MYO1A: variants seen among roughly 807,000 people sequenced by gnomAD.
The protein encoded by MYO1A is unconventional myosin-Ia.
Under a neutral mutation model 138.5 loss-of-function variants are expected in MYO1A, and 127 were observed. The ratio of observed to expected loss-of-function variants is 0.92; its 90% CI spans 0.79 to 1.06. The LOEUF (loss-of-function observed/expected upper bound fraction) is 1.06, where lower values mean the gene tolerates loss of function less well. MYO1A is among the 50% of genes least tolerant of loss of function. The pLI, the probability that MYO1A is intolerant of heterozygous loss-of-function variation, is 0.00. For synonymous variants in MYO1A, 477 were observed against 497.5 expected (o/e 0.96, Z 0.55); for missense variants, 1,211 against 1,288.8 (o/e 0.94, Z 0.92).
chr12:57,038,064 A>G lies in MYO1A; in HGVS notation c.1766T>C (p.Ile589Thr), dbSNP rs1338908545. 8 of 1,613,850 alleles carry G rather than the reference A, an allele frequency of 5.0e-6. No individual in the cohort carries two copies. In the South Asian group the frequency reaches 5.5e-5, roughly 11 times the overall value. The change falls in exon 18 of 28, where the codon ATA becomes ACA. Residue 589 changes from isoleucine (I) to threonine (T), a missense_variant. Physicochemically the swap from Ile to Thr is moderately conservative, Grantham distance 89 (BLOSUM62 -1). Transcript: ENST00000300119. Reference sequence around the variant, plus strand: ...TCGCTGCTGATGCTCATTGGGCTTTATGCACCTGGTGGGAGGTGGGGTAAG... The same window carrying G: ...TCGCTGCTGATGCTCATTGGGCTTTGTGCACCTGGTGGGAGGTGGGGTAAG... ...YSKSPNYIRC[I>T]KPNEHQQRGQ...
chr12:57,049,121 T>C (rs980039877), intron 1 of MYO1A, among the ~76,000 whole-genome samples: 2 of 152,234 alleles, frequency 1.3e-5, no homozygotes, highest in South Asian at 2.1e-4. Context: ...GGCATGGACT[T>C]TGCCCCAGAG....
chr12:57,039,257 C>A lies in MYO1A; in HGVS notation c.1287G>T (p.Lys429Asn), dbSNP rs759950519. 3.7e-5 allele frequency: 59 copies of A among 1,614,032 alleles called. 1 individual carries two copies. The highest frequency in any genetic ancestry group is 3.3e-4 in the Middle Eastern group (2 of 6,084). The stretch of plus-strand genomic sequence containing the variant: ...TGATGCCATTATCAAAGTAGTCCAC[C>A]TTTGTCCACGGTATGCCCTGGTCAG... ...EYKREGIPWTKVDYFDNGIIC... is the reference protein window; with the variant it reads ...EYKREGIPWTNVDYFDNGIIC... The change falls in exon 15 of 28, where the codon AAG becomes AAT. Residue 429 changes from lysine (K) to asparagine (N), a missense_variant. Lys to Asn is a moderately conservative substitution (Grantham distance 94). Transcript: ENST00000300119.
chr12:57,028,718 G>A lies in MYO1A; in HGVS notation c.*37C>T. On this transcript the variant is annotated 3_prime_UTR_variant, in exon 28 of 28. Transcript: ENST00000300119. ...CAGAGGGGGATTAGTGCTGGTTCAG[G>A]AGGAAGCAACTGCCATCTCTGCATG... is the stretch of plus-strand genomic sequence containing the variant. 1.2e-6 allele frequency: 2 copies of A among 1,612,598 alleles called. No homozygotes were observed. The highest frequency in any genetic ancestry group is 1.1e-5 in the South Asian group (1 of 90,784).
chr12:57,030,407 G>A, intron 23 of MYO1A, 91 bp from the exon 24 acceptor site: 2 of 1,057,394 alleles, frequency 1.9e-6, no homozygotes, highest in Non-Finnish European at 2.9e-6. Context: ...AAGACACTAG[G>A]AGAGGAGAGA....
At position 57,039,016 on chromosome 12, in the gene MYO1A, CGGGGGAACA is replaced by C. The variant is rs766405193; in HGVS notation, c.1333-16_1333-8del. 6.2e-7 allele frequency: 1 copy of C among 1,612,102 alleles called. No homozygotes were observed. Among genetic ancestry groups the C allele is most frequent in the African/African-American group, 1.3e-5 (1 of 74,986 alleles). On this transcript the variant is annotated splice_region_variant and splice_polypyrimidine_tract_variant and intron_variant, in intron 15 of 27. Transcript: ENST00000300119. ...CCAGGATACCTCGCTGATTCTGGGC[CGGGGGAACA>C]AAAGAAGCCCAACCTAAATCTGGTC...
rs369123989 is a variant in MYO1A, at chr12:57,047,584, T to C, written c.325+43A>G. 107 of 1,599,902 alleles carry C rather than the reference T, an allele frequency of 6.7e-5. No homozygotes were observed. The African/African-American group carries it at 1.3e-3, about 20-fold the overall frequency. ...GGCTTGCAAAGAGACAAGGAAGCAG[T>C]TCCAGAGGTGACTCCATGTGTTCCC... On this transcript the variant is annotated intron_variant, in intron 4 of 27. Transcript: ENST00000300119.
chr12:57,049,346 C>A (rs529253887), intron 1 of MYO1A, among the ~76,000 whole-genome samples: 1 of 152,212 alleles, frequency 6.6e-6, no homozygotes, highest in Non-Finnish European at 1.5e-5. Flanking sequence ...CACTCCTGAA[C>A]AGGAATGAAA....
Position 57,038,035 on chromosome 12 carries a change from G to A in MYO1A, c.1795C>T (p.Gln599Ter), listed in dbSNP as rs143570906. Residue 599 changes from glutamine to a stop codon, truncating the protein, a stop_gained, in exon 18 of 28, where the codon CAG (glutamine) becomes TAG (stop). Transcript: ENST00000300119. LOFTEE classifies it high-confidence loss of function. ...IKPNEHQQRG[Q>*]FSSDLVATQA... ...GTTGCCACCAGGTCTGAAGAGAACTGACCTCGCTGCTGATGCTCATTGGGC... is the reference window on the plus strand; with the variant it reads ...GTTGCCACCAGGTCTGAAGAGAACTAACCTCGCTGCTGATGCTCATTGGGC... 6.2e-7 allele frequency: 1 copy of A among 1,614,000 alleles called. No individual in the cohort carries two copies. Among genetic ancestry groups the A allele is most frequent in the African/African-American group, 1.3e-5 (1 of 74,934 alleles).
chr12:57,028,679 C>T lies in MYO1A; in HGVS notation c.*76G>A. On this transcript the variant is annotated 3_prime_UTR_variant, in exon 28 of 28. Coordinates refer to ENST00000300119, the MANE Select transcript of MYO1A (RefSeq NM_005379.4). ...CACGATCAGAGGGGTTAGAGATCCT[C>T]CCACACAGGAGGGCAGAGGGGGATT... 6.3e-7 allele frequency: 1 copy of T among 1,589,752 alleles called. No individual in the cohort carries two copies. Among genetic ancestry groups the T allele is most frequent in the South Asian group, 1.1e-5 (1 of 87,128 alleles).
chr12:57,049,086 T>A, intron 1 of MYO1A, among the ~76,000 whole-genome samples: 1 of 152,332 alleles, frequency 6.6e-6, no homozygotes, highest in East Asian at 1.9e-4. Flanking sequence ...ATCTCTAGCT[T>A]TTACACCCAC....
At chr12:57,047,492 C>T (rs762123068) in intron 4 of MYO1A, 85 bp from the exon 5 acceptor site, 36 of 1,501,996 alleles carry the variant, frequency 2.4e-5, no homozygotes, top group Non-Finnish European at 3.0e-5. Context: ...CCCAGTGCCT[C>T]ACCACCCCTT....
chr12:57,044,849 C>A (rs911979177), intron 8 of MYO1A, among the ~76,000 whole-genome samples: 1 of 152,216 alleles, frequency 6.6e-6, no homozygotes, highest in African/African-American at 2.4e-5. Context: ...TTCCATCCTA[C>A]GCAGGTGCCT....
At chr12:57,048,403 T>C in intron 1 of MYO1A, 60 bp from the exon 2 acceptor site, 1 of 1,002,048 alleles carries the variant, frequency 1.0e-6, no homozygotes, top group Non-Finnish European at 1.6e-6. Flanking sequence ...AGTAACTGTT[T>C]GAGGGGAGGA....
Position 57,038,661 on chromosome 12 carries a change from T to C in MYO1A, c.1534-23A>G, listed in dbSNP as rs781152579. On this transcript the variant is annotated intron_variant, in intron 16 of 27. Transcript: ENST00000300119. ...CACCTGTAAAGGAGCAGCTATTGGTTTGGAGACCCCACAACCTTGTCCCAG... is the reference window on the plus strand; with the variant it reads ...CACCTGTAAAGGAGCAGCTATTGGTCTGGAGACCCCACAACCTTGTCCCAG... 8.1e-6 allele frequency: 13 copies of C among 1,613,312 alleles called. No homozygotes were observed. The East Asian group carries it at 2.2e-4, about 28-fold the overall frequency.
At chr12:57,040,006 C>T (rs982664136) in intron 14 of MYO1A, among the ~76,000 whole-genome samples, 4 of 152,244 alleles carry the variant, frequency 2.6e-5, no homozygotes, top group African/African-American at 4.8e-5. Context: ...ACTTTGGGGA[C>T]TTGCTGGGCA....
chr12:57,031,289 AAGGGGTGGAGCTGAAGAGATGGAAGGG>A, intron 22 of MYO1A, 115 bp from the exon 23 acceptor site: 1 of 1,318,736 alleles, frequency 7.6e-7, no homozygotes, highest in Non-Finnish European at 1.1e-6. Flanking sequence ...AGTGAGAAGC[AAGGGGTGGAGCTGAAGAGATGGAAGGG>A]AGTCACCTCT....
At chr12:57,040,724 T>G (rs918100229) in intron 14 of MYO1A, among the ~76,000 whole-genome samples, 2 of 152,140 alleles carry the variant, frequency 1.3e-5, no homozygotes, top group African/African-American at 4.8e-5. Context: ...TTTCTAACAC[T>G]TAGCCATAGA....
intron 6 of MYO1A, 26 bp from the exon 7 acceptor site, chr12:57,046,952 A>T: frequency 6.2e-7 from 1 of 1,612,492 alleles, no homozygotes; most frequent in Non-Finnish European, 8.5e-7. Context: ...AGAGAGAGAG[A>T]CTTAGCTTCT....
chr12:57,038,900 T>C lies in MYO1A; in HGVS notation c.1442A>G (p.His481Arg). ...ATTCTGGGTGACTTTGCTCTCGTAG[T>C]GGCCATGCTTGGAGAAGAGCTGGTT... ...KLNQLFSKHG[H>R]YESKVTQNAQ... The change falls in exon 16 of 28, where the codon CAC (histidine) becomes CGC (arginine). Residue 481 changes from histidine (H) to arginine (R), a missense_variant. By Grantham distance (29) the His-to-Arg change is conservative (BLOSUM62 0). Transcript: ENST00000300119. 1 of 1,614,196 alleles carries C rather than the reference T, an allele frequency of 6.2e-7. No homozygotes were observed. Among genetic ancestry groups the C allele is most frequent in the East Asian group, 2.2e-5 (1 of 44,878 alleles).
Sources: gnomAD v4.1 joint callset for allele counts (sites outside exome capture counted in the v4.1 genomes callset) on GRCh38, gnomAD v4.1.1 for gene constraint, MANE v1.5 for transcripts, NCBI Gene and HGNC (gene_info 2026-07-23, HGNC 2026-07-21) for gene names.